Variants in ZNF75D observed in about 807,000 individuals in gnomAD.
ZNF75D encodes the protein zinc finger protein 75.
ZNF75D carries 33 observed loss-of-function variants against 33.3 expected under a neutral mutation model. The observed-to-expected ratio is 0.99, with a 90% confidence interval of 0.75 to 1.32. The LOEUF (loss-of-function observed/expected upper bound fraction) is 1.32, where lower values mean the gene tolerates loss of function less well. ZNF75D is among the 40% of genes most tolerant of loss of function. ZNF75D has a pLI of 0.00. For synonymous variants in ZNF75D, 113 were observed against 130.6 expected (o/e 0.87, Z 0.92); for missense variants, 338 against 367.5 (o/e 0.92, Z 0.66).
chrX:135,262,524 T>C (rs1364503043), intron 1 of ZNF75D, among the ~76,000 whole-genome samples: 1 of 112,222 alleles, frequency 8.9e-6, no homozygotes, highest in Admixed American at 9.4e-5. Flanking sequence ...CCTTGTCTTC[T>C]TGCTTTGTTT....
At chrX:135,270,184 A>G (rs1163596426) in intron 1 of ZNF75D, among the ~76,000 whole-genome samples, 1 of 108,695 alleles carries the variant, frequency 9.2e-6, no homozygotes, top group Non-Finnish European at 1.9e-5. Flanking sequence ...AGTATTTGAT[A>G]GCACAACAGG....
At chrX:135,308,672 T>C (rs1200484293) in intron 1 of ZNF75D, among the ~76,000 whole-genome samples, 1 of 112,098 alleles carries the variant, frequency 8.9e-6, no homozygotes, top group African/African-American at 3.2e-5. Flanking sequence ...TCAAGTATAA[T>C]ACCACTCAGC....
At chrX:135,318,087 ATTTT>A (rs1278807048) in intron 1 of ZNF75D, among the ~76,000 whole-genome samples, 3 of 95,050 alleles carry the variant, frequency 3.2e-5, no homozygotes, top group Admixed American at 1.2e-4. Flanking sequence ...ATATATATAT[ATTTT>A]TTTTTTTTTT....
intron 1 of ZNF75D, among the ~76,000 whole-genome samples, chrX:135,340,863 C>T (rs2084775583): frequency 8.9e-6 from 1 of 112,253 alleles, no homozygotes; most frequent in African/African-American, 3.2e-5. Context: ...CTAGAGGAAA[C>T]TACTGCCACT....
Position 135,341,887 on chromosome X carries a change from C to A in ZNF75D, c.-510G>T, listed in dbSNP as rs1368999491. ...TCCAGATGTGGTTTCATTTCTTGAGCAAATTAACATATCCCCTGGAACCTA... is the reference window on the plus strand; with the variant it reads ...TCCAGATGTGGTTTCATTTCTTGAGAAAATTAACATATCCCCTGGAACCTA... On this transcript the variant is annotated 5_prime_UTR_variant, in exon 1 of 7. Coordinates refer to ENST00000370766, the MANE Select transcript of ZNF75D (RefSeq NM_007131.5). 1 of 112,094 alleles carries A rather than the reference C, an allele frequency of 8.9e-6. No homozygotes were observed. Among genetic ancestry groups the A allele is most frequent in the Non-Finnish European group, 1.9e-5 (1 of 53,228 alleles). The allele number at this position is 112,094 out of a possible 1,213,427, so 9.2% of individuals were successfully genotyped here. A position where few individuals can be genotyped will look rare whatever the true frequency, so the allele number is the denominator to read the frequency against.
rs191173487 is a variant in ZNF75D at position 135,304,441 on chromosome X, G to A, written c.-390-8402C>T. On this transcript the variant is annotated intron_variant, in intron 1 of 6. Transcript: ENST00000370766. ...TGAGGAACCTCTCAACAAGAGGTGA[G>A]ACACTGCAACTTGGGCCCCTGTAGC... Among the ~76,000 whole-genome samples, 380 of 111,747 alleles carry A rather than the reference G, an allele frequency of 3.4e-3. 3 individuals carry two copies. The highest frequency in any genetic ancestry group is 0.012 in the African/African-American group (359 of 30,760).
At chrX:135,337,390 A>G (rs1485273259) in intron 1 of ZNF75D, among the ~76,000 whole-genome samples, 2 of 112,199 alleles carry the variant, frequency 1.8e-5, no homozygotes, top group Non-Finnish European at 3.8e-5. Flanking sequence ...ATAATGGCAT[A>G]AAGCAGAGAA....
chrX:135,273,180 C>T (rs1390720698), intron 1 of ZNF75D, among the ~76,000 whole-genome samples: 1 of 111,394 alleles, frequency 9.0e-6, no homozygotes, highest in Admixed American at 9.5e-5. Context: ...ATCTCCCTCT[C>T]TCTCTCTTTT....
Position 135,292,487 on chromosome X carries a change from C to T in ZNF75D, c.412-14G>A, listed in dbSNP as rs2084058346. On this transcript the variant is annotated splice_polypyrimidine_tract_variant and intron_variant, in intron 3 of 6. Transcript: ENST00000370766. ...ATGGGCTGTGACCTAGAAATAATCC[C>T]CATCCTCATTAGCACAGAACTTACT... The T allele has an allele frequency of 8.3e-7, 1 of 1,206,789 alleles. No individual in the cohort carries two copies.
chrX:135,258,153 T>C lies in ZNF75D; in HGVS notation n.828-2376A>G, dbSNP rs1179613461. On this transcript the variant is annotated intron_variant and non_coding_transcript_variant, in intron 1 of 3. Coordinates refer to the ZNF75D transcript ENST00000494295. The stretch of plus-strand genomic sequence containing the variant: ...CAAAGGACATGAACTCATCATTTTT[T>C]ATGAATGCATAGTATTCCATGGTGT... Among the ~76,000 whole-genome samples, 4 of 95,936 alleles carry C rather than the reference T, an allele frequency of 4.2e-5. 1 individual carries two copies. Among genetic ancestry groups the C allele is most frequent in the African/African-American group, 6.6e-5 (2 of 30,121 alleles). 83.3% of individuals were successfully genotyped at this position (95,936 alleles called of 115,157 possible).
chrX:135,333,095 A>G (rs2084669866), intron 1 of ZNF75D, among the ~76,000 whole-genome samples: 1 of 111,743 alleles, frequency 8.9e-6, no homozygotes, highest in South Asian at 3.7e-4. Context: ...GCAGAGAGAG[A>G]GAGAGAGAGG....
Position 135,256,111 on chromosome X carries a change from C to T in ZNF75D, n.828-334G>A, listed in dbSNP as rs782151081. 5.5e-4 allele frequency among the ~76,000 whole-genome samples: 14 copies of T among 25,297 alleles called. No individual in the cohort carries two copies. In the South Asian group the frequency reaches 0.031, roughly 57 times the overall value. The allele number at this position is 25,297 out of a possible 115,157, so 22.0% of individuals were successfully genotyped here. ...AAACCTACACCACTCATCCCATCTC[C>T]CTTCACTGGAACACCAGATTTTAAC... On this transcript the variant is annotated intron_variant and non_coding_transcript_variant, in intron 1 of 3. Coordinates refer to the ZNF75D transcript ENST00000494295.
intron 1 of ZNF75D, among the ~76,000 whole-genome samples, chrX:135,296,731 A>T (rs782124847): frequency 8.9e-6 from 1 of 112,453 alleles, no homozygotes; most frequent in African/African-American, 3.2e-5. Flanking sequence ...TAACCTTTTG[A>T]GATAGGTCCC....
chrX:135,320,232 G>A (rs1353491336), intron 1 of ZNF75D, among the ~76,000 whole-genome samples: 1 of 108,544 alleles, frequency 9.2e-6, no homozygotes, highest in Non-Finnish European at 1.9e-5. Context: ...GGCAGAAGTT[G>A]CAGTGAGCCA....
intron 1 of ZNF75D, among the ~76,000 whole-genome samples, chrX:135,314,770 G>T (rs1211979135): frequency 1.8e-5 from 2 of 111,752 alleles, no homozygotes; most frequent in African/African-American, 3.3e-5. Context: ...GCATATAGGT[G>T]TTCATAATAC....
intron 6 of ZNF75D, among the ~76,000 whole-genome samples, chrX:135,289,617 CACACACACAG>C (rs1260073780): frequency 5.7e-5 from 4 of 70,157 alleles, no homozygotes; most frequent in South Asian, 9.8e-4. Flanking sequence ...CTCTGACACA[CACACACACAG>C]ACACACACAC....
intron 1 of ZNF75D, among the ~76,000 whole-genome samples, chrX:135,261,220 T>C (rs2083840345): frequency 8.9e-6 from 1 of 112,442 alleles, no homozygotes; most frequent in Non-Finnish European, 1.9e-5. Flanking sequence ...CTTCCACCTA[T>C]GTGGTCAATT....
intron 2 of ZNF75D, 111 bp downstream of exon 2, chrX:135,295,657 C>T (rs1240734002): frequency 2.7e-5 from 3 of 112,108 alleles, no homozygotes; most frequent in Non-Finnish European, 5.6e-5. Flanking sequence ...CATCCCCCAC[C>T]CTCATTCCCT....
chrX:135,316,758 T>C (rs1388182768), intron 1 of ZNF75D, among the ~76,000 whole-genome samples: 1 of 109,127 alleles, frequency 9.2e-6, no homozygotes, highest in East Asian at 2.9e-4. Flanking sequence ...CTGCTTGATC[T>C]AGTCTATTGT....
Sources: gnomAD v4.1 joint callset for allele counts (sites outside exome capture counted in the v4.1 genomes callset) on GRCh38, gnomAD v4.1.1 for gene constraint, MANE v1.5 for transcripts, NCBI Gene and HGNC (gene_info 2026-07-23, HGNC 2026-07-21) for gene names.